TAGLN2: variants seen among roughly 807,000 people sequenced by gnomAD.
TAGLN2 encodes the protein transgelin-2.
In TAGLN2, 14 loss-of-function variants were observed where a neutral mutation model predicts 24.9. That is an observed-to-expected ratio of 0.56 (90% confidence interval 0.37 to 0.88). The LOEUF (loss-of-function observed/expected upper bound fraction) is 0.88. Among genes scored for constraint, TAGLN2 ranks in the 40% least tolerant of loss-of-function variants. The probability of loss-of-function intolerance (pLI) is 0.00; values close to 1 mark genes in which losing one functional copy is unlikely to be tolerated. For missense variants in TAGLN2, 208 were observed against 258.9 expected (o/e 0.80, Z 1.35); for synonymous variants, 77 against 98.2 (o/e 0.78, Z 1.28).
In TAGLN2 at chr1:159,918,861, G is replaced by A; in HGVS notation, c.539C>T (p.Thr180Ile). ...GKNVIGLQMG[T>I]NRGASQAGMT... ...GCCTGCCTGAGACGCCCCGCGGTTG[G>A]TGCCCATCTGTAACCCGATCACGTT... is the stretch of plus-strand genomic sequence containing the variant. Residue 180 changes from threonine (T) to isoleucine (I), a missense_variant, in exon 5 of 5, where the codon ACC (threonine) becomes ATC (isoleucine). Coordinates refer to ENST00000368097, the MANE Select transcript of TAGLN2 (RefSeq NM_003564.3). The A allele has an allele frequency of 6.2e-7, 1 of 1,614,256 alleles. No homozygotes were observed. Among genetic ancestry groups the A allele is most frequent in the Non-Finnish European group, 8.5e-7 (1 of 1,180,042 alleles).
rs1320926453 is a variant in TAGLN2, at chr1:159,923,393, G to A, written c.-29+2057C>T. 6 of 1,544,874 alleles carry A rather than the reference G, an allele frequency of 3.9e-6. No individual in the cohort carries two copies. The African/African-American group carries it at 8.2e-5, about 21-fold the overall frequency. ...TAGGCGGGAAACGGGGAGGGGCCAC[G>A]CAAGGCACTCGGCCCCACCCAGACC... On this transcript the variant is annotated intron_variant, in intron 1 of 4. Coordinates refer to ENST00000368097, the MANE Select transcript of TAGLN2 (RefSeq NM_003564.3).
Position 159,919,724 on chromosome 1 carries a change from G to T in TAGLN2, c.292C>A (p.Gln98Lys), listed in dbSNP as rs1650464218. ...KQMEQISQFL[Q>K]AAERYGINTT... ...TTAATGCCATAGCGCTCAGCTGCTT[G>T]CAGGAACTGAGAGATCTGCTCCATC... Residue 98 changes from glutamine to lysine, a missense_variant, in exon 3 of 5, where the codon CAA (glutamine) becomes AAA (lysine). Gln to Lys is a moderately conservative substitution (Grantham distance 53, BLOSUM62 1). Coordinates refer to ENST00000368097, the MANE Select transcript of TAGLN2 (RefSeq NM_003564.3). 4 of 1,613,866 alleles carry T rather than the reference G, an allele frequency of 2.5e-6. No individual in the cohort carries two copies. Among genetic ancestry groups the T allele is most frequent in the Non-Finnish European group, 3.4e-6 (4 of 1,179,922 alleles).
chr1:159,924,946 C>G (rs1052354085), intron 1 of TAGLN2: 2 of 152,420 alleles, frequency 1.3e-5, no homozygotes, highest in African/African-American at 4.8e-5. Flanking sequence ...CCTCAAGTCC[C>G]CAGAATAGCA....
At chr1:159,920,618 G>T in intron 1 of TAGLN2, 81 bp from the exon 2 acceptor site, 2 of 1,515,272 alleles carry the variant, frequency 1.3e-6, no homozygotes, top group Non-Finnish European at 1.8e-6. Context: ...TGCCTGCAGG[G>T]ATATACACCA....
rs1198414822 is a variant in TAGLN2 at position 159,919,324 on chromosome 1, T to C, written c.408A>G (p.Ala136=). Residue 136 remains alanine, a synonymous_variant, in exon 4 of 5, where the codon GCA becomes GCG. Coordinates refer to ENST00000368097, the MANE Select transcript of TAGLN2 (RefSeq NM_003564.3). ...QRTLMNLGGL[A]VARDDGLFSG... ...AGAAGAGCCCATCATCTCGGGCTAC[T>C]GCCAGCCCACCCAGATTCATCAGCG... 6.2e-7 allele frequency: 1 copy of C among 1,614,248 alleles called. No homozygotes were observed. The highest frequency in any genetic ancestry group is 8.5e-7 in the Non-Finnish European group (1 of 1,180,046).
At position 159,919,952 on chromosome 1, in the gene TAGLN2, A is replaced by G. The variant is rs751204885; in HGVS notation, c.181-117T>C. 130 of 1,160,062 alleles carry G rather than the reference A, an allele frequency of 1.1e-4. No homozygotes were observed. The Middle Eastern group carries it at 1.3e-3, about 12-fold the overall frequency. The allele number at this position is 1,160,062 out of a possible 1,614,324, so 71.9% of individuals were successfully genotyped here. A position where few individuals can be genotyped will look rare whatever the true frequency, so the allele number is the denominator to read the frequency against. ...AGAGAGGCTCCTGTCTTGCCTGAAG[A>G]CAGCTTGGACTCTTTCACTAGAGTA... On this transcript the variant is annotated intron_variant, in intron 2 of 4. Coordinates refer to ENST00000368097, the MANE Select transcript of TAGLN2 (RefSeq NM_003564.3).
chr1:159,924,816 G>A (rs1430507960), intron 1 of TAGLN2, among the ~76,000 whole-genome samples: 1 of 152,168 alleles, frequency 6.6e-6, no homozygotes, highest in Non-Finnish European at 1.5e-5. Flanking sequence ...GGCACCCCGG[G>A]GCGCAGTCAG....
In TAGLN2 at chr1:159,919,207, C is replaced by G. The variant is rs111788442; in HGVS notation, c.458+67G>C. ...CAGCTGCTACTGAGATAAGTTATTT[C>G]CTAGGGACAGGATTGGGCAGAAACA... is the stretch of plus-strand genomic sequence containing the variant. On this transcript the variant is annotated intron_variant, in intron 4 of 4. Coordinates refer to ENST00000368097, the MANE Select transcript of TAGLN2 (RefSeq NM_003564.3). 3,106 of 1,499,108 alleles carry G rather than the reference C, an allele frequency of 2.1e-3. 27 individuals carry two copies. In the African/African-American group the frequency reaches 0.025, roughly 12 times the overall value. 92.9% of individuals were successfully genotyped at this position (1,499,108 alleles called of 1,614,324 possible).
intron 1 of TAGLN2, among the ~76,000 whole-genome samples, chr1:159,924,060 T>A (rs1004740088): frequency 2.0e-5 from 3 of 152,162 alleles, no homozygotes; most frequent in Non-Finnish European, 4.4e-5. Flanking sequence ...GAAGTAGTTG[T>A]TCAGGAGAAG....
chr1:159,918,476 C>G lies in TAGLN2; in HGVS notation c.*324G>C, dbSNP rs892341152. 1 of 252,482 alleles carries G rather than the reference C, an allele frequency of 4.0e-6. No homozygotes were observed. Among genetic ancestry groups the G allele is most frequent in the Non-Finnish European group, 7.7e-6 (1 of 130,126 alleles). 15.6% of individuals were successfully genotyped at this position (252,482 alleles called of 1,614,324 possible). A position where few individuals can be genotyped will look rare whatever the true frequency, so the allele number is the denominator to read the frequency against. ...GAACGGAGGACACAGAGCTCAGAGA[C>G]AGAACAGGCCAGGGGGAAGAAGGAG... On this transcript the variant is annotated 3_prime_UTR_variant, in exon 5 of 5. Transcript: ENST00000368097.
intron 2 of TAGLN2, 152 bp from the exon 3 acceptor site, chr1:159,919,987 G>T: frequency 1.1e-6 from 1 of 906,984 alleles, no homozygotes; most frequent in Non-Finnish European, 1.7e-6. Flanking sequence ...AAGCCTCACA[G>T]TCCTTCTTGC....
intron 1 of TAGLN2, chr1:159,923,628 A>T: frequency 3.0e-6 from 2 of 658,076 alleles, no homozygotes; most frequent in South Asian, 2.7e-5. Flanking sequence ...TGAGGGCACC[A>T]GCCCACAGAG....
Position 159,920,407 on chromosome 1 carries a change from T to C in TAGLN2, c.103A>G (p.Thr35Ala). ...CCCACATCCTTTCGGCACTGGGTGGTGATCCACTGGATCAGGATCTGCTCC... is the reference window on the plus strand; with the variant it reads ...CCCACATCCTTTCGGCACTGGGTGGCGATCCACTGGATCAGGATCTGCTCC... ...DLEQILIQWI[T>A]TQCRKDVGRP... Residue 35 changes from threonine to alanine, a missense_variant, in exon 2 of 5, where the codon ACC becomes GCC. Physicochemically the swap from Thr to Ala is moderately conservative, Grantham distance 58. Transcript: ENST00000368097. 6.2e-7 allele frequency: 1 copy of C among 1,614,180 alleles called. No individual in the cohort carries two copies. The highest frequency in any genetic ancestry group is 8.5e-7 in the Non-Finnish European group (1 of 1,180,034).
chr1:159,923,544 AC>A, intron 1 of TAGLN2: 2 of 1,463,824 alleles, frequency 1.4e-6, no homozygotes, highest in Non-Finnish European at 1.9e-6. Flanking sequence ...CTCTCCATCC[AC>A]CGTGCAGATG....
intron 1 of TAGLN2, chr1:159,923,602 T>A: frequency 1.0e-6 from 1 of 980,440 alleles, no homozygotes; most frequent in Non-Finnish European, 1.5e-6. Flanking sequence ...GGGAGTGTTC[T>A]CAAAGAGCAG....
At chr1:159,923,543 C>T in intron 1 of TAGLN2, 1 of 1,467,260 alleles carries the variant, frequency 6.8e-7, no homozygotes, top group African/African-American at 1.4e-5. Context: ...ACTCTCCATC[C>T]ACCGTGCAGA....
At chr1:159,923,477 G>C (rs1650602029) in intron 1 of TAGLN2, 1 of 1,549,690 alleles carries the variant, frequency 6.5e-7, no homozygotes, top group Admixed American at 2.0e-5. Context: ...ACATGGGTGG[G>C]GGCAGGGAGG....
At chr1:159,924,434 CCA>C (rs1174482645) in intron 1 of TAGLN2, 1 of 152,416 alleles carries the variant, frequency 6.6e-6, no homozygotes, top group African/African-American at 2.4e-5. Flanking sequence ...ACATCGAATC[CCA>C]CACTCCATCC....
chr1:159,924,251 T>TTACC (rs1031097381), intron 1 of TAGLN2, among the ~76,000 whole-genome samples: 3 of 152,188 alleles, frequency 2.0e-5, no homozygotes, highest in African/African-American at 7.2e-5. Context: ...GGTTCTGGAA[T>TTACC]GGTAGGGCCC....
Sources: allele counts gnomAD v4.1 joint callset (sites outside exome capture counted in the v4.1 genomes callset), GRCh38; gene constraint gnomAD v4.1.1; transcripts MANE v1.5; gene names NCBI Gene and HGNC (gene_info 2026-07-23, HGNC 2026-07-21).